CDK13: variants seen among roughly 807,000 people sequenced by gnomAD.
CDK13 encodes cyclin dependent kinase 13.
A neutral mutation model predicts 137.6 loss-of-function variants in CDK13; 40 were observed. That is an observed-to-expected ratio of 0.29 (90% CI 0.23 to 0.38). CDK13 has a LOEUF of 0.38. Ranked by LOEUF, CDK13 falls within the 10% of genes least tolerant of loss-of-function variation. The probability of loss-of-function intolerance (pLI) is 1.00; values close to 1 mark genes in which losing one functional copy is unlikely to be tolerated. For missense variants in CDK13, 1,704 were observed against 1,951.8 expected (o/e 0.87, Z 2.39); for synonymous variants, 869 against 760.1 (o/e 1.14, Z -2.36).
intron 5 of CDK13, among the ~76,000 whole-genome samples, chr7:40,033,374 C>T (rs1336612196): frequency 1.3e-5 from 2 of 152,306 alleles, no homozygotes; most frequent in East Asian, 3.9e-4. Context: ...AATTAGTAGT[C>T]TGATAATGCC....
At chr7:39,975,456 A>G (rs980508170) in intron 1 of CDK13, among the ~76,000 whole-genome samples, 3 of 152,114 alleles carry the variant, frequency 2.0e-5, no homozygotes, top group Non-Finnish European at 4.4e-5. Flanking sequence ...TTTGACCCCT[A>G]TATGTGAGCA....
intron 5 of CDK13, among the ~76,000 whole-genome samples, chr7:40,024,422 G>C: frequency 6.6e-6 from 1 of 152,272 alleles, no homozygotes; most frequent in East Asian, 1.9e-4. Context: ...ACTTTATAAA[G>C]ATAAGGACAG....
At chr7:40,056,685 A>G (rs1786026503) in intron 7 of CDK13, among the ~76,000 whole-genome samples, 2 of 152,232 alleles carry the variant, frequency 1.3e-5, no homozygotes, top group Admixed American at 1.3e-4. Flanking sequence ...GTTGCAGTAA[A>G]TCTAAATAGG....
intron 6 of CDK13, 89 bp downstream of exon 6, chr7:40,046,114 G>A: frequency 1.2e-6 from 1 of 833,918 alleles, no homozygotes; most frequent in Non-Finnish European, 1.9e-6. Flanking sequence ...TAGCGGCGGG[G>A]AATGTCGGGG....
chr7:40,089,715 AGAGAGAGAGTGTGTGTGTGTGTGTGT>A (rs1441009667), intron 12 of CDK13, among the ~76,000 whole-genome samples: 1 of 143,466 alleles, frequency 7.0e-6, no homozygotes, highest in Non-Finnish European at 1.5e-5. Flanking sequence ...AGAGAGAGAG[AGAGAGAGAGTGTGTGTGTGTGTGTGT>A]GTGTGTGTGT....
At chr7:40,020,100 C>T (rs989093469) in intron 5 of CDK13, among the ~76,000 whole-genome samples, 2 of 152,060 alleles carry the variant, frequency 1.3e-5, no homozygotes, top group Admixed American at 6.5e-5. Flanking sequence ...CCGGGTCTTG[C>T]TCTGTCACCT....
chr7:40,029,114 G>A (rs1477596585), intron 5 of CDK13, among the ~76,000 whole-genome samples: 1 of 151,654 alleles, frequency 6.6e-6, no homozygotes, highest in Non-Finnish European at 1.5e-5. Context: ...GATGAACCAT[G>A]TAGCCTAGAA....
At chr7:39,969,062 T>G (rs1164120904) in intron 1 of CDK13, among the ~76,000 whole-genome samples, 1 of 152,124 alleles carries the variant, frequency 6.6e-6, no homozygotes, top group Non-Finnish European at 1.5e-5. Flanking sequence ...GTGGCTGGAG[T>G]GCAGTGGTGT....
chr7:39,957,127 G>C (rs992466291), intron 1 of CDK13, among the ~76,000 whole-genome samples: 1 of 150,120 alleles, frequency 6.7e-6, no homozygotes, highest in African/African-American at 2.5e-5. Context: ...GTGTGTGTGT[G>C]TGTGTTTTGG....
chr7:40,023,192 A>G (rs1785165562), intron 5 of CDK13, among the ~76,000 whole-genome samples: 1 of 151,248 alleles, frequency 6.6e-6, no homozygotes, highest in African/African-American at 2.4e-5. Flanking sequence ...TCCCAGGTTC[A>G]AGAGATTCTC....
chr7:40,055,589 T>G (rs1300200434), intron 7 of CDK13, among the ~76,000 whole-genome samples: 1 of 151,456 alleles, frequency 6.6e-6, no homozygotes, highest in African/African-American at 2.4e-5. Flanking sequence ...TTTTTTTTTT[T>G]TTTGAGACAG....
chr7:40,033,139 A>G (rs1243137378), intron 5 of CDK13, among the ~76,000 whole-genome samples: 1 of 152,140 alleles, frequency 6.6e-6, no homozygotes, highest in Non-Finnish European at 1.5e-5. Context: ...TATTTTTAGT[A>G]GAGATGGGGT....
intron 5 of CDK13, among the ~76,000 whole-genome samples, chr7:40,022,444 A>G (rs2150497774): frequency 6.6e-6 from 1 of 152,312 alleles, no homozygotes; most frequent in East Asian, 1.9e-4. Context: ...TATGTCTTCT[A>G]CAGGTCATGG....
intron 5 of CDK13, among the ~76,000 whole-genome samples, chr7:40,023,668 T>A (rs138870868): frequency 0.046 from 6,962 of 151,676 alleles, 205 homozygotes; most frequent in Middle Eastern, 0.079. Flanking sequence ...CCTGGCTAAT[T>A]TTTTGTATTT....
At chr7:39,995,037 A>T (rs1211995993) in intron 2 of CDK13, among the ~76,000 whole-genome samples, 1 of 151,856 alleles carries the variant, frequency 6.6e-6, no homozygotes, top group African/African-American at 2.4e-5. Context: ...ATTCGTTCAG[A>T]TCTAATTTTA....
intron 1 of CDK13, among the ~76,000 whole-genome samples, chr7:39,953,316 A>G (rs1445358712): frequency 2.0e-5 from 3 of 152,166 alleles, no homozygotes; most frequent in East Asian, 3.8e-4. Context: ...AAGACTTTGT[A>G]TGTTACTTTT....
chr7:40,041,229 G>A (rs927102095), intron 5 of CDK13, among the ~76,000 whole-genome samples: 3 of 152,142 alleles, frequency 2.0e-5, no homozygotes, highest in Non-Finnish European at 4.4e-5. Flanking sequence ...GGGAGGCTGA[G>A]GCATGAGAAT....
chr7:40,000,538 G>A (rs964114060), intron 4 of CDK13, among the ~76,000 whole-genome samples: 2 of 152,104 alleles, frequency 1.3e-5, no homozygotes, highest in Non-Finnish European at 2.9e-5. Flanking sequence ...ACGAGACTCT[G>A]TCTCAAAGAA....
intron 5 of CDK13, among the ~76,000 whole-genome samples, chr7:40,014,056 G>GTTTT (rs1431672361): frequency 9.5e-6 from 1 of 105,450 alleles, no homozygotes; most frequent in African/African-American, 3.8e-5. Flanking sequence ...ATGCTGTCTT[G>GTTTT]TCTTTTTTTT....
Sources: allele counts gnomAD v4.1 joint callset (sites outside exome capture counted in the v4.1 genomes callset), GRCh38; gene constraint gnomAD v4.1.1; transcripts MANE v1.5; gene names NCBI Gene and HGNC (gene_info 2026-07-23, HGNC 2026-07-21).